FAM83B: variants seen among roughly 807,000 people sequenced by gnomAD.
The protein encoded by FAM83B is scaffolding CK1 anchoring protein B.
In FAM83B, 26 loss-of-function variants were observed where a neutral mutation model predicts 38.8. That is an observed-to-expected ratio of 0.67 (90% CI 0.49 to 0.93). The LOEUF (loss-of-function observed/expected upper bound fraction) is 0.93, where lower values mean the gene tolerates loss of function less well. Among genes scored for constraint, FAM83B ranks in the 40% least tolerant of loss-of-function variants. FAM83B has a pLI of 0.00. For synonymous variants in FAM83B, 419 were observed against 423.1 expected, an observed-to-expected ratio of 0.99 and a Z score of 0.12; for missense variants, 1,237 against 1,197.3, an observed-to-expected ratio of 1.03 and a Z score of -0.49.
At chr6:54,929,344 T>A (rs1343873260) in intron 4 of FAM83B, among the ~76,000 whole-genome samples, 1 of 152,166 alleles carries the variant, frequency 6.6e-6, no homozygotes, top group South Asian at 2.1e-4. Context: ...CCTTCTTCTT[T>A]AATTCAGTAT....
chr6:54,846,637 C>CT (rs966752435), upstream of FAM83B: 1 of 152,310 alleles, frequency 6.6e-6, no homozygotes, highest in South Asian at 2.1e-4. Flanking sequence ...CTCCCGCCCC[C>CT]TCCAGCGCTG....
chr6:54,846,574 G>C (rs1254617039), upstream of FAM83B, among the ~76,000 whole-genome samples: 1 of 152,182 alleles, frequency 6.6e-6, no homozygotes, highest in Non-Finnish European at 1.5e-5. Flanking sequence ...GCGCTTTCTG[G>C]CTGTTCGGGG....
At chr6:54,878,641 G>A (rs1772053957) in intron 2 of FAM83B, among the ~76,000 whole-genome samples, 1 of 152,094 alleles carries the variant, frequency 6.6e-6, no homozygotes, top group Non-Finnish European at 1.5e-5. Context: ...GAGATGAGTA[G>A]AAGATGCATC....
chr6:54,849,753 G>C (rs991880436), intron 1 of FAM83B, among the ~76,000 whole-genome samples: 2 of 150,470 alleles, frequency 1.3e-5, no homozygotes, highest in African/African-American at 4.9e-5. Flanking sequence ...AGTGGGGTGA[G>C]AAGTCCCCTA....
intron 2 of FAM83B, among the ~76,000 whole-genome samples, chr6:54,916,763 A>G (rs1454317942): frequency 2.0e-5 from 3 of 152,184 alleles, no homozygotes; most frequent in African/African-American, 7.2e-5. Context: ...TAGTACACAG[A>G]TGAATGTGGG....
intron 2 of FAM83B, among the ~76,000 whole-genome samples, chr6:54,917,543 A>T (rs961196324): frequency 3.3e-5 from 5 of 152,104 alleles, no homozygotes; most frequent in East Asian, 1.9e-4. Flanking sequence ...AGAAAAATTT[A>T]AAAAAATATG....
chr6:54,866,781 A>C (rs1160566860), intron 1 of FAM83B, among the ~76,000 whole-genome samples: 2 of 152,162 alleles, frequency 1.3e-5, no homozygotes, highest in Non-Finnish European at 2.9e-5. Context: ...ATAAATCACC[A>C]AAGTGCAGTT....
At chr6:54,932,721 C>T (rs1422906248) in intron 4 of FAM83B, among the ~76,000 whole-genome samples, 1 of 152,014 alleles carries the variant, frequency 6.6e-6, no homozygotes, top group Non-Finnish European at 1.5e-5. Context: ...TTTTGAAGGA[C>T]AGTTTTGCTG....
At chr6:54,939,223 C>A (rs1425300318) in intron 4 of FAM83B, among the ~76,000 whole-genome samples, 1 of 152,108 alleles carries the variant, frequency 6.6e-6, no homozygotes, top group South Asian at 2.1e-4. Context: ...GGTGTATGTG[C>A]CTATTCTTAT....
upstream of FAM83B, among the ~76,000 whole-genome samples, chr6:54,846,270 C>T (rs1236380602): frequency 6.6e-6 from 1 of 152,204 alleles, no homozygotes; most frequent in Non-Finnish European, 1.5e-5. Flanking sequence ...CTGAATCCGC[C>T]CCACACTCTC....
At chr6:54,921,246 C>T (rs1318228182) in intron 2 of FAM83B, among the ~76,000 whole-genome samples, 2 of 151,742 alleles carry the variant, frequency 1.3e-5, no homozygotes, top group South Asian at 2.1e-4. Flanking sequence ...TTACCATTCC[C>T]GTGTATTACT....
At chr6:54,926,678 A>G (rs771504536) in intron 3 of FAM83B, 143 bp downstream of exon 3, 9 of 571,312 alleles carry the variant, frequency 1.6e-5, no homozygotes, top group Non-Finnish European at 2.6e-5. Context: ...GATTGATCAC[A>G]GAAAGGTCCC....
At chr6:54,882,974 C>T (rs540065061) in intron 2 of FAM83B, among the ~76,000 whole-genome samples, 9 of 152,080 alleles carry the variant, frequency 5.9e-5, no homozygotes, top group Non-Finnish European at 1.2e-4. Flanking sequence ...GATGGAGTCT[C>T]GCTCTGTCAC....
At chr6:54,883,863 T>G (rs1192096407) in intron 2 of FAM83B, among the ~76,000 whole-genome samples, 4 of 152,078 alleles carry the variant, frequency 2.6e-5, no homozygotes, top group Non-Finnish European at 5.9e-5. Context: ...TAGCTATTTT[T>G]GTGTTCTATC....
chr6:54,878,191 C>A (rs1196922344), intron 2 of FAM83B, among the ~76,000 whole-genome samples: 1 of 152,130 alleles, frequency 6.6e-6, no homozygotes, highest in Non-Finnish European at 1.5e-5. Flanking sequence ...AAGTCTTTGG[C>A]CAACCTTATA....
intron 1 of FAM83B, among the ~76,000 whole-genome samples, chr6:54,868,086 AT>A: frequency 6.6e-6 from 1 of 152,052 alleles, no homozygotes; most frequent in East Asian, 1.9e-4. Flanking sequence ...TTATTTTTTA[AT>A]TTTTTTTGCT....
intron 2 of FAM83B, among the ~76,000 whole-genome samples, chr6:54,926,078 C>G (rs1773280888): frequency 6.6e-6 from 1 of 152,054 alleles, no homozygotes; most frequent in Non-Finnish European, 1.5e-5. Flanking sequence ...TACAGGCAGT[C>G]TTGAAATCCA....
chr6:54,901,699 C>T (rs1772665419), intron 2 of FAM83B, among the ~76,000 whole-genome samples: 1 of 152,144 alleles, frequency 6.6e-6, no homozygotes, highest in Non-Finnish European at 1.5e-5. Flanking sequence ...TAAGCTCTTT[C>T]TTGCAATGAC....
At chr6:54,939,573 C>A in intron 4 of FAM83B, 133 bp from the exon 5 acceptor site, 1 of 825,174 alleles carries the variant, frequency 1.2e-6, no homozygotes, top group Non-Finnish European at 1.8e-6. Context: ...CATGTAATGA[C>A]GGAAAATATT....
Sources: allele counts gnomAD v4.1 joint callset (sites outside exome capture counted in the v4.1 genomes callset), GRCh38; gene constraint gnomAD v4.1.1; transcripts MANE v1.5; gene names NCBI Gene and HGNC (gene_info 2026-07-23, HGNC 2026-07-21).